The following SGCE variants were observed in gnomAD, a reference collection of about 807,000 sequenced individuals.
The protein encoded by SGCE is epsilon-sarcoglycan.
A neutral mutation model predicts 57.8 loss-of-function variants in SGCE; 26 were observed. The ratio of observed to expected loss-of-function variants is 0.45; its 90% CI spans 0.33 to 0.62. The LOEUF (loss-of-function observed/expected upper bound fraction) is 0.62. Among genes scored for constraint, SGCE ranks in the 20% least tolerant of loss-of-function variants. The pLI, the probability that SGCE is intolerant of heterozygous loss-of-function variation, is 0.02. For synonymous variants in SGCE, 183 were observed against 189.5 expected (o/e 0.97, Z 0.28); for missense variants, 468 against 548.6 (o/e 0.85, Z 1.47).
intron 10 of SGCE, chr7:94,588,300 G>T (rs961415950): frequency 9.3e-7 from 1 of 1,070,428 alleles, no homozygotes; most frequent in African/African-American, 1.7e-5. Context: ...TAGTCACAAT[G>T]GTTTCCTTTT....
At position 94,618,976 on chromosome 7, in the gene SGCE, G is replaced by A. The variant is rs999219103; in HGVS notation, c.464-20C>T. 2.6e-6 allele frequency: 4 copies of A among 1,522,192 alleles called. No homozygotes were observed. Among genetic ancestry groups the A allele is most frequent in the African/African-American group, 1.4e-5 (1 of 73,100 alleles). 94.3% of individuals were successfully genotyped at this position (1,522,192 alleles called of 1,614,324 possible). A position where few individuals can be genotyped will look rare whatever the true frequency, so the allele number is the denominator to read the frequency against. ...GGAAGTCTAATTTTGGTGAAAAAGG[G>A]CATGCATATCTTTAATGAAGTAGTC... On this transcript the variant is annotated intron_variant, in intron 4 of 10. Coordinates refer to ENST00000648936, the MANE Select transcript of SGCE (RefSeq NM_003919.3).
intron 5 of SGCE, among the ~76,000 whole-genome samples, chr7:94,604,002 C>T (rs960938038): frequency 1.8e-4 from 27 of 152,080 alleles, no homozygotes; most frequent in Admixed American, 1.8e-3. Context: ...TGCTTGGTCT[C>T]TCATTAGAAG....
chr7:94,594,936 G>A (rs1798178635), intron 9 of SGCE, among the ~76,000 whole-genome samples: 1 of 152,044 alleles, frequency 6.6e-6, no homozygotes, highest in Non-Finnish European at 1.5e-5. Flanking sequence ...TACATCTCCA[G>A]GTTCTGCTCC....
chr7:94,639,448 G>A, intron 1 of SGCE: 2 of 1,514,542 alleles, frequency 1.3e-6, no homozygotes, highest in South Asian at 2.4e-5. Flanking sequence ...TAATAAAAAA[G>A]CTTTTCAGAA....
At chr7:94,591,189 T>C (rs1309059598) in intron 9 of SGCE, among the ~76,000 whole-genome samples, 1 of 152,210 alleles carries the variant, frequency 6.6e-6, no homozygotes, top group Non-Finnish European at 1.5e-5. Flanking sequence ...AAAGATCAAT[T>C]TATAAACTAC....
At chr7:94,619,048 T>G (rs1802366752) in intron 4 of SGCE, 92 bp from the exon 5 acceptor site, 1 of 900,232 alleles carries the variant, frequency 1.1e-6, no homozygotes, top group Non-Finnish European at 1.8e-6. Context: ...TTGAGTTCTG[T>G]CATAATCCTG....
At chr7:94,605,589 G>A (rs1799992582) in intron 5 of SGCE, among the ~76,000 whole-genome samples, 1 of 152,056 alleles carries the variant, frequency 6.6e-6, no homozygotes, top group Non-Finnish European at 1.5e-5. Flanking sequence ...AGGAAGTAGT[G>A]TAGTGTTATT....
chr7:94,609,741 A>G (rs1800715887), intron 5 of SGCE, among the ~76,000 whole-genome samples: 1 of 152,238 alleles, frequency 6.6e-6, no homozygotes, highest in Admixed American at 6.5e-5. Flanking sequence ...AGCAACAGCA[A>G]CTTTTATTCA....
Position 94,597,624 on chromosome 7 carries a change from AG to A in SGCE, c.1253+1150del, listed in dbSNP as rs1414455089. On this transcript the variant is annotated intron_variant, in intron 9 of 10. Transcript: ENST00000648936. ...TCTGCATAGCCATTCCATCTATAAA[AG>A]TAAAGTGAAAAAGAGGAGGACCTCA... 3 of 152,360 alleles carry A rather than the reference AG, an allele frequency of 2.0e-5. No individual in the cohort carries two copies. The East Asian group carries it at 5.8e-4, about 29-fold the overall frequency. 9.4% of individuals were successfully genotyped at this position (152,360 alleles called of 1,614,324 possible). A position where few individuals can be genotyped will look rare whatever the true frequency, so the allele number is the denominator to read the frequency against.
intron 1 of SGCE, among the ~76,000 whole-genome samples, chr7:94,631,086 G>A (rs1242461891): frequency 6.6e-6 from 1 of 151,884 alleles, no homozygotes; most frequent in Non-Finnish European, 1.5e-5. Flanking sequence ...ACAGAGGGAA[G>A]GAAGCTACAA....
chr7:94,629,051 A>T (rs1021068759), intron 2 of SGCE: 1 of 152,266 alleles, frequency 6.6e-6, no homozygotes, highest in African/African-American at 2.4e-5. Flanking sequence ...TATCAATTCT[A>T]ATGCTAAAAA....
intron 1 of SGCE, among the ~76,000 whole-genome samples, chr7:94,648,199 T>TC (rs1253252351): frequency 2.0e-5 from 3 of 151,684 alleles, no homozygotes; most frequent in Admixed American, 6.6e-5. Context: ...GTGGTGAAAC[T>TC]CCGTCTTTAC....
chr7:94,625,787 T>A (rs543173783), intron 3 of SGCE: 15 of 152,236 alleles, frequency 9.9e-5, no homozygotes, highest in Middle Eastern at 3.4e-3. Context: ...CTCTTGCTGA[T>A]AGACTTTTGG....
intron 1 of SGCE, among the ~76,000 whole-genome samples, chr7:94,640,637 TTTTG>T (rs1806252609): frequency 6.6e-6 from 1 of 151,972 alleles, no homozygotes; most frequent in African/African-American, 2.4e-5. Context: ...TGTGTGTTTG[TTTTG>T]TTTGTTTTTT....
intron 7 of SGCE, 31 bp downstream of exon 7, chr7:94,600,615 C>T: frequency 6.7e-7 from 1 of 1,487,774 alleles, no homozygotes; most frequent in Non-Finnish European, 9.4e-7. Context: ...AGCAGGATCT[C>T]TAATTATCTT....
At chr7:94,636,079 T>C (rs1805557405) in intron 1 of SGCE, among the ~76,000 whole-genome samples, 1 of 152,204 alleles carries the variant, frequency 6.6e-6, no homozygotes, top group South Asian at 2.1e-4. Flanking sequence ...TTGAATCTTC[T>C]ACAAAAAAGC....
intron 1 of SGCE, among the ~76,000 whole-genome samples, chr7:94,644,294 T>C (rs929726424): frequency 6.6e-6 from 1 of 152,190 alleles, no homozygotes; most frequent in African/African-American, 2.4e-5. Flanking sequence ...CATATGACAG[T>C]TAAAGTTTGT....
intron 5 of SGCE, among the ~76,000 whole-genome samples, chr7:94,612,663 G>A (rs1402939433): frequency 6.6e-6 from 1 of 152,120 alleles, no homozygotes; most frequent in Non-Finnish European, 1.5e-5. Flanking sequence ...TCTAGAAGTG[G>A]AAACATTTTT....
chr7:94,637,894 G>A (rs1805809980), intron 1 of SGCE, among the ~76,000 whole-genome samples: 1 of 152,222 alleles, frequency 6.6e-6, no homozygotes, highest in South Asian at 2.1e-4. Flanking sequence ...GTCCTTTGGA[G>A]ATGACAGAGC....
Sources: gnomAD v4.1 joint callset for allele counts (sites outside exome capture counted in the v4.1 genomes callset) on GRCh38, gnomAD v4.1.1 for gene constraint, MANE v1.5 for transcripts, NCBI Gene and HGNC (gene_info 2026-07-23, HGNC 2026-07-21) for gene names.